Variants in GNAQ observed in about 807,000 individuals in gnomAD.
GNAQ encodes guanine nucleotide-binding protein G(q) subunit alpha.
A neutral mutation model predicts 43.9 loss-of-function variants in GNAQ; 8 were observed. The ratio of observed to expected loss-of-function variants is 0.18; its 90% CI spans 0.11 to 0.33. The LOEUF (loss-of-function observed/expected upper bound fraction) is 0.33, where lower values mean the gene tolerates loss of function less well. Ranked by LOEUF, GNAQ falls within the 10% of genes least tolerant of loss-of-function variation. The pLI is 1.00. For synonymous variants in GNAQ, 155 were observed against 170.7 expected (o/e 0.91, Z 0.71); for missense variants, 158 against 450.8 (o/e 0.35, Z 5.88).
intron 2 of GNAQ, among the ~76,000 whole-genome samples, chr9:77,817,537 T>C (rs1448313724): frequency 2.0e-5 from 3 of 152,168 alleles, no homozygotes; most frequent in Non-Finnish European, 2.9e-5. Context: ...AGAAACTACT[T>C]TTCCTCTTTA....
chr9:77,983,816 T>C (rs902915121), intron 1 of GNAQ, among the ~76,000 whole-genome samples: 23 of 152,090 alleles, frequency 1.5e-4, no homozygotes, highest in East Asian at 7.8e-4. Context: ...ACTCTTTTAG[T>C]GGGGAGGACT....
At chr9:77,891,629 C>T (rs1200494793) in intron 2 of GNAQ, among the ~76,000 whole-genome samples, 1 of 152,170 alleles carries the variant, frequency 6.6e-6, no homozygotes, top group Non-Finnish European at 1.5e-5. Context: ...TTCTTTGAGG[C>T]CCACTCACTG....
At chr9:78,031,057 G>C in intron 1 of GNAQ, 43 bp downstream of exon 1, 2 of 1,367,114 alleles carry the variant, frequency 1.5e-6, no homozygotes, top group South Asian at 1.7e-5. Context: ...AGGATGGTGG[G>C]CTGGGGGCGC....
At chr9:77,993,624 C>T (rs555444583) in intron 1 of GNAQ, among the ~76,000 whole-genome samples, 1 of 151,832 alleles carries the variant, frequency 6.6e-6, no homozygotes, top group African/African-American at 2.4e-5. Context: ...ATTGCTTAAA[C>T]CTGGGAGGCA....
At chr9:77,940,896 G>A (rs1176157159) in intron 1 of GNAQ, among the ~76,000 whole-genome samples, 1 of 149,948 alleles carries the variant, frequency 6.7e-6, no homozygotes, top group Non-Finnish European at 1.5e-5. Flanking sequence ...GAACCCAGGA[G>A]GAGCTTGCAG....
At chr9:77,870,785 A>G (rs961606057) in intron 2 of GNAQ, among the ~76,000 whole-genome samples, 1 of 152,178 alleles carries the variant, frequency 6.6e-6, no homozygotes, top group African/African-American at 2.4e-5. Flanking sequence ...CTACTAACCA[A>G]TAAAAAAGGA....
Position 77,743,610 on chromosome 9 carries a change from C to G in GNAQ, c.736-14943G>C, listed in dbSNP as rs76131226. On this transcript the variant is annotated intron_variant, in intron 5 of 6. Transcript: ENST00000286548. Reference sequence around the variant, plus strand: ...AGGAACAATGTGTGTTATGAGCTGGCTGACATTCAGTTTATGGCTAATATC... The same window carrying G: ...AGGAACAATGTGTGTTATGAGCTGGGTGACATTCAGTTTATGGCTAATATC... Among the ~76,000 whole-genome samples the G allele has an allele frequency of 5.1e-3, 775 of 152,216 alleles. 8 individuals carry two copies. Among genetic ancestry groups the G allele is most frequent in the African/African-American group, 0.018 (740 of 41,530 alleles).
At chr9:77,880,839 C>T (rs550799373) in intron 2 of GNAQ, among the ~76,000 whole-genome samples, 2 of 152,280 alleles carry the variant, frequency 1.3e-5, no homozygotes, top group African/African-American at 2.4e-5. Flanking sequence ...AAAGGACATG[C>T]TTCCCAGGGT....
intron 2 of GNAQ, among the ~76,000 whole-genome samples, chr9:77,840,019 A>G (rs1445620277): frequency 2.0e-5 from 3 of 152,198 alleles, no homozygotes; most frequent in Non-Finnish European, 4.4e-5. Flanking sequence ...CAAATGACTC[A>G]GTGATTCATC....
chr9:77,733,370 C>T (rs1038470506), intron 5 of GNAQ, among the ~76,000 whole-genome samples: 1 of 152,218 alleles, frequency 6.6e-6, no homozygotes, highest in Non-Finnish European at 1.5e-5. Flanking sequence ...AGGCTGCCTA[C>T]AGGGTGAAGC....
At chr9:78,011,141 GAGA>G (rs1346304776) in intron 1 of GNAQ, among the ~76,000 whole-genome samples, 1 of 152,184 alleles carries the variant, frequency 6.6e-6, no homozygotes, top group African/African-American at 2.4e-5. Context: ...TCACTCAAAA[GAGA>G]AGGACAAACA....
Position 77,912,331 on chromosome 9 carries a change from G to C in GNAQ, c.321+9830C>G, listed in dbSNP as rs140170633. ...GATGGTCATTTCAATAAATGAATTG[G>C]GTTAATTAGATATCCAGATAAAAAA... On this transcript the variant is annotated intron_variant, in intron 2 of 6. Transcript: ENST00000286548. 4.3e-3 allele frequency among the ~76,000 whole-genome samples: 653 copies of C among 152,184 alleles called. 6 individuals carry two copies. Among genetic ancestry groups the C allele is most frequent in the South Asian group, 0.014 (68 of 4,810 alleles).
intron 1 of GNAQ, among the ~76,000 whole-genome samples, chr9:77,965,654 C>T (rs1823157218): frequency 6.6e-6 from 1 of 151,996 alleles, no homozygotes; most frequent in South Asian, 2.1e-4. Flanking sequence ...TACTTCACAC[C>T]CATTTAAAAT....
intron 5 of GNAQ, among the ~76,000 whole-genome samples, chr9:77,759,869 T>G (rs999491191): frequency 6.6e-6 from 1 of 151,316 alleles, no homozygotes; most frequent in African/African-American, 2.4e-5. Flanking sequence ...TAGTCCCTAT[T>G]TCTTCTACCT....
intron 2 of GNAQ, among the ~76,000 whole-genome samples, chr9:77,852,981 A>C (rs1587945774): frequency 6.6e-6 from 1 of 152,310 alleles, no homozygotes; most frequent in African/African-American, 2.4e-5. Context: ...CTCAGCATAA[A>C]CCTTCAAGAA....
chr9:77,885,218 C>G (rs781692268), intron 2 of GNAQ, among the ~76,000 whole-genome samples: 9 of 152,148 alleles, frequency 5.9e-5, no homozygotes, highest in Non-Finnish European at 7.3e-5. Context: ...AGTGCCTCAT[C>G]ATGCAGGAGT....
At chr9:77,904,646 A>C (rs1323230898) in intron 2 of GNAQ, among the ~76,000 whole-genome samples, 1 of 152,054 alleles carries the variant, frequency 6.6e-6, no homozygotes, top group Non-Finnish European at 1.5e-5. Context: ...TTATGTTTTA[A>C]GAATAAAGTT....
intron 2 of GNAQ, among the ~76,000 whole-genome samples, chr9:77,874,801 T>C (rs1256003589): frequency 6.6e-6 from 1 of 151,986 alleles, no homozygotes; most frequent in Non-Finnish European, 1.5e-5. Flanking sequence ...ATTTTTTGAA[T>C]TTTTAGTAGA....
At chr9:77,823,660 C>T (rs1023888735) in intron 2 of GNAQ, among the ~76,000 whole-genome samples, 4 of 152,084 alleles carry the variant, frequency 2.6e-5, no homozygotes, top group African/African-American at 9.7e-5. Context: ...GCACGTCTTA[C>T]CGTGGTAGAG....
Sources: allele counts gnomAD v4.1 joint callset (sites outside exome capture counted in the v4.1 genomes callset), GRCh38; gene constraint gnomAD v4.1.1; transcripts MANE v1.5; gene names NCBI Gene and HGNC (gene_info 2026-07-23, HGNC 2026-07-21).